The following DRAM1 variants were observed in gnomAD, a reference collection of about 807,000 sequenced individuals.
The protein encoded by DRAM1 is DNA damage-regulated autophagy modulator protein 1.
DRAM1 carries 25 observed loss-of-function variants against 28.5 expected under a neutral mutation model. The observed-to-expected ratio is 0.88, with a 90% CI of 0.64 to 1.23. The LOEUF is 1.23. Among genes scored for constraint, DRAM1 ranks in the 50% most tolerant of loss-of-function variants. The probability of loss-of-function intolerance (pLI) is 0.00; values close to 1 mark genes in which losing one functional copy is unlikely to be tolerated. For missense variants in DRAM1, 249 were observed against 299.2 expected (o/e 0.83, Z 1.24); for synonymous variants, 113 against 114.2 (o/e 0.99, Z 0.07).
At position 101,921,282 on chromosome 12, in the gene DRAM1, C is replaced by T. The variant is rs1241433799; in HGVS notation, c.*22C>T. ...TTGAAGAAAGAAGAATTCAGTCTCA[C>T]TCAGTGAATGTCGCAGGCCATTTCT... On this transcript the variant is annotated 3_prime_UTR_variant, in exon 7 of 7. Transcript: ENST00000258534. The T allele has an allele frequency of 1.1e-5, 17 of 1,599,482 alleles. No homozygotes were observed. Among genetic ancestry groups the T allele is most frequent in the Non-Finnish European group, 1.5e-5 (17 of 1,166,772 alleles).
intron 1 of DRAM1, among the ~76,000 whole-genome samples, chr12:101,897,221 A>T (rs986925280): frequency 6.6e-6 from 1 of 150,620 alleles, no homozygotes; most frequent in African/African-American, 2.4e-5. Flanking sequence ...TTTTTTTGAG[A>T]CCGAGTCTTG....
chr12:101,885,675 C>G (rs377507471), intron 1 of DRAM1, among the ~76,000 whole-genome samples: 46 of 151,850 alleles, frequency 3.0e-4, no homozygotes, highest in African/African-American at 1.0e-3. Flanking sequence ...TACAGGTGCC[C>G]GCCACCATGC....
rs12311245 is a variant in DRAM1 at position 101,884,795 on chromosome 12, G to A, written c.131+6875G>A. Among the ~76,000 whole-genome samples the A allele has an allele frequency of 7.2e-3, 1,100 of 152,300 alleles. 15 individuals are homozygous for A. Among genetic ancestry groups the A allele is most frequent in the African/African-American group, 0.025 (1,026 of 41,554 alleles). On this transcript the variant is annotated intron_variant, in intron 1 of 6. Coordinates refer to ENST00000258534, the MANE Select transcript of DRAM1 (RefSeq NM_018370.3). ...GAGTAAATGAAGTAAAAGAAGTTTG[G>A]TCAGGTCTTTAACTTCAAAAATGAT...
At chr12:101,909,383 G>T (rs1038826041) in intron 4 of DRAM1, among the ~76,000 whole-genome samples, 5 of 152,136 alleles carry the variant, frequency 3.3e-5, no homozygotes, top group Non-Finnish European at 2.9e-5. Flanking sequence ...TTTAGTCTCT[G>T]TTTACTTTCC....
chr12:101,904,767 C>G (rs1873742001), intron 3 of DRAM1, among the ~76,000 whole-genome samples: 1 of 152,070 alleles, frequency 6.6e-6, no homozygotes, highest in Non-Finnish European at 1.5e-5. Flanking sequence ...ACTATTCTCT[C>G]TCTCTCTCCC....
chr12:101,917,694 C>CAAAA (rs34726299), intron 5 of DRAM1, among the ~76,000 whole-genome samples: 29 of 107,770 alleles, frequency 2.7e-4, no homozygotes, highest in African/African-American at 9.0e-4. Context: ...GACTCCATCT[C>CAAAA]AAAAAAAAAA....
intron 4 of DRAM1, among the ~76,000 whole-genome samples, chr12:101,910,169 A>G (rs1452332279): frequency 6.6e-6 from 1 of 152,218 alleles, no homozygotes; most frequent in Non-Finnish European, 1.5e-5. Context: ...AAATCCTAGT[A>G]CCGAGAAATT....
chr12:101,919,992 C>G, intron 5 of DRAM1, 117 bp from the exon 6 acceptor site: 1 of 593,724 alleles, frequency 1.7e-6, no homozygotes, highest in Non-Finnish European at 2.7e-6. Context: ...CCTCAAAGTT[C>G]TGACTTATGC....
At chr12:101,911,936 C>T (rs1015786768) in intron 4 of DRAM1, among the ~76,000 whole-genome samples, 5 of 152,120 alleles carry the variant, frequency 3.3e-5, no homozygotes, top group Middle Eastern at 3.2e-3. Flanking sequence ...GGGTCAGGCA[C>T]GCCTGTAATC....
intron 1 of DRAM1, 134 bp from the exon 2 acceptor site, chr12:101,897,729 A>C (rs1027570687): frequency 4.5e-6 from 3 of 662,870 alleles, no homozygotes; most frequent in Non-Finnish European, 8.0e-6. Context: ...GAACAAAATC[A>C]GGCCAAATCT....
intron 5 of DRAM1, among the ~76,000 whole-genome samples, chr12:101,916,358 G>A (rs1311500151): frequency 6.6e-6 from 1 of 152,170 alleles, no homozygotes; most frequent in Admixed American, 6.5e-5. Context: ...ACAAAAATTA[G>A]CCAGACGTTG....
chr12:101,895,186 G>GTTTTTTTTTTTTTTTT lies in DRAM1; in HGVS notation c.132-2662_132-2647dup, dbSNP rs574722379. 9.0e-4 allele frequency among the ~76,000 whole-genome samples: 68 copies of GTTTTTTTTTTTTTTTT among 75,732 alleles called. 4 individuals carry two copies. The highest frequency in any genetic ancestry group is 3.4e-3 in the African/African-American group (62 of 18,078). The allele number at this position is 75,732 out of a possible 152,430, so 49.7% of individuals were successfully genotyped here. A position where few individuals can be genotyped will look rare whatever the true frequency, so the allele number is the denominator to read the frequency against. ...TAATGCTAAATTCGAAACCCTTCAG[G>GTTTTTTTTTTTTTTTT]TTTTTTTTTTTTTTTTTTTTTTTTT... On this transcript the variant is annotated intron_variant, in intron 1 of 6. Coordinates refer to ENST00000258534, the MANE Select transcript of DRAM1 (RefSeq NM_018370.3).
intron 3 of DRAM1, among the ~76,000 whole-genome samples, chr12:101,902,126 G>A (rs192017798): frequency 3.3e-5 from 5 of 152,110 alleles, no homozygotes; most frequent in Admixed American, 6.6e-5. Flanking sequence ...GGAGGCTCCC[G>A]GTGACATTTC....
intron 1 of DRAM1, chr12:101,890,196 A>T (rs1231794746): frequency 5.4e-6 from 2 of 367,758 alleles, no homozygotes; most frequent in Admixed American, 3.5e-5. Context: ...CTCCTGCCTC[A>T]GCCACCCGAG....
chr12:101,891,040 C>T (rs74583728), intron 1 of DRAM1, among the ~76,000 whole-genome samples: 3 of 152,158 alleles, frequency 2.0e-5, no homozygotes, highest in Non-Finnish European at 2.9e-5. Context: ...TGAGCCACCG[C>T]GCCCGGCCTG....
At chr12:101,894,466 G>A (rs533579842) in intron 1 of DRAM1, among the ~76,000 whole-genome samples, 44 of 152,040 alleles carry the variant, frequency 2.9e-4, no homozygotes, top group Non-Finnish European at 5.3e-4. Flanking sequence ...TGCCCAGACT[G>A]GTTTCGAACT....
chr12:101,908,307 C>A lies in DRAM1; in HGVS notation c.464C>A (p.Ser155Ter). 3 of 1,614,148 alleles carry A rather than the reference C, an allele frequency of 1.9e-6. No individual in the cohort carries two copies. Among genetic ancestry groups the A allele is most frequent in the Non-Finnish European group, 2.5e-6 (3 of 1,180,024 alleles). ...TCATGTCCCCAGTGGAACAGTCTCT[C>A]GACATGCCACATACGGATGGTCATC... ...YKSCPQWNSL[S>*]TCHIRMVISA... is the part of the protein sequence containing the mutation. The change falls in exon 4 of 7, where the codon TCG (serine) becomes TAG (stop). Residue 155 changes from serine to a stop codon, truncating the protein, a stop_gained. Transcript: ENST00000258534. LOFTEE classifies it high-confidence loss of function.
At chr12:101,913,004 A>G (rs1417529189) in intron 4 of DRAM1, among the ~76,000 whole-genome samples, 1 of 152,176 alleles carries the variant, frequency 6.6e-6, no homozygotes. Flanking sequence ...CTGGGATTAC[A>G]GGTGTGAGCC....
chr12:101,878,016 G>T (rs910050675), intron 1 of DRAM1, 96 bp downstream of exon 1: 1 of 1,350,042 alleles, frequency 7.4e-7, no homozygotes, highest in Admixed American at 2.9e-5. Context: ...ACCCAGCTTG[G>T]GGCGTCGTGT....
Sources: allele counts gnomAD v4.1 joint callset (sites outside exome capture counted in the v4.1 genomes callset), GRCh38; gene constraint gnomAD v4.1.1; transcripts MANE v1.5; gene names NCBI Gene and HGNC (gene_info 2026-07-23, HGNC 2026-07-21).